The following DLG2 variants were observed in gnomAD, a reference collection of about 807,000 sequenced individuals.
DLG2 encodes discs large MAGUK scaffold protein 2, also known as disks large homolog 2.
DLG2 carries 45 observed loss-of-function variants against 132.5 expected under a neutral mutation model. The ratio of observed to expected loss-of-function variants is 0.34; its 90% CI spans 0.27 to 0.44. The LOEUF is 0.44. DLG2 is among the 20% of genes least tolerant of loss of function. The probability of loss-of-function intolerance (pLI) is 1.00; values close to 1 mark genes in which losing one functional copy is unlikely to be tolerated. For missense variants in DLG2, 1,045 were observed against 1,196.9 expected, an observed-to-expected ratio of 0.87 and a Z score of 1.87; for synonymous variants, 424 against 419.6, an observed-to-expected ratio of 1.01 and a Z score of -0.13.
intron 7 of DLG2, among the ~76,000 whole-genome samples, chr11:84,502,271 CTTCCTTCCTTCTTTCT>C (rs2099215475): frequency 1.8e-4 from 4 of 21,858 alleles, no homozygotes; most frequent in Non-Finnish European, 2.9e-4. Flanking sequence ...TCCTTCCTTC[CTTCCTTCCTTCTTTCT>C]TTCTTTCTTT....
chr11:85,545,275 T>C (rs1394534186), intron 3 of DLG2, among the ~76,000 whole-genome samples: 1 of 152,204 alleles, frequency 6.6e-6, no homozygotes, highest in African/African-American at 2.4e-5. Flanking sequence ...GTTCTGTTTA[T>C]GTGATGGATT....
chr11:85,212,142 T>G (rs912137583), intron 4 of DLG2, among the ~76,000 whole-genome samples: 4 of 152,068 alleles, frequency 2.6e-5, no homozygotes, highest in South Asian at 2.1e-4. Context: ...AGATATAAAC[T>G]TTACAAATAA....
intron 17 of DLG2, among the ~76,000 whole-genome samples, chr11:83,812,849 A>G (rs1232059222): frequency 1.3e-5 from 2 of 152,146 alleles, no homozygotes; most frequent in African/African-American, 4.8e-5. Context: ...GAGTTGCACA[A>G]TGTTACAGAG....
chr11:83,455,837 G>A lies in DLG2; in HGVS notation c.*3981C>T, dbSNP rs2088878768. The A allele has an allele frequency of 6.6e-6, 1 of 152,462 alleles. No homozygotes were observed. The highest frequency in any genetic ancestry group is 1.5e-5 in the Non-Finnish European group (1 of 68,032). 9.4% of individuals were successfully genotyped at this position (152,462 alleles called of 1,614,324 possible). A position where few individuals can be genotyped will look rare whatever the true frequency, so the allele number is the denominator to read the frequency against. On this transcript the variant is annotated 3_prime_UTR_variant, in exon 28 of 28. Transcript: ENST00000376104. ...AGGAGGTACTCCACATGCTTCAAGG[G>A]AATTGATCTTTTTCCCTCTAGGAGT... is the stretch of plus-strand genomic sequence containing the variant.
chr11:83,897,730 A>G (rs1481681057), intron 15 of DLG2, among the ~76,000 whole-genome samples: 2 of 152,186 alleles, frequency 1.3e-5, no homozygotes, highest in African/African-American at 4.8e-5. Flanking sequence ...TAAAATGAAA[A>G]ACAAGACAAA....
At chr11:83,506,633 T>C (rs553398858) in intron 21 of DLG2, among the ~76,000 whole-genome samples, 1 of 152,172 alleles carries the variant, frequency 6.6e-6, no homozygotes, top group South Asian at 2.1e-4. Context: ...CTCAGACAAA[T>C]GTGGAAAGGC....
chr11:83,614,469 G>A (rs114402191), intron 19 of DLG2, among the ~76,000 whole-genome samples: 1,830 of 152,212 alleles, frequency 0.012, 42 homozygotes, highest in African/African-American at 0.041. Flanking sequence ...CTATAATCTC[G>A]GCACTTTGGG....
intron 11 of DLG2, among the ~76,000 whole-genome samples, chr11:84,043,988 A>T (rs1046874883): frequency 2.0e-5 from 3 of 150,748 alleles, no homozygotes; most frequent in African/African-American, 7.3e-5. Context: ...TATAGGTTAA[A>T]CTCTTTGTCT....
At chr11:85,613,793 C>T (rs991592796) in intron 2 of DLG2, among the ~76,000 whole-genome samples, 1 of 152,218 alleles carries the variant, frequency 6.6e-6, no homozygotes. Flanking sequence ...CCCTTCCACG[C>T]TGTAGAAGCT....
At chr11:85,383,419 A>G (rs897964109) in intron 3 of DLG2, among the ~76,000 whole-genome samples, 6 of 152,298 alleles carry the variant, frequency 3.9e-5, no homozygotes, top group African/African-American at 1.2e-4. Context: ...ACTTACTAAC[A>G]AAACGCTGAA....
intron 6 of DLG2, among the ~76,000 whole-genome samples, chr11:85,081,918 T>C (rs2154172058): frequency 6.6e-6 from 1 of 152,264 alleles, no homozygotes; most frequent in East Asian, 1.9e-4. Flanking sequence ...AAATGCATAC[T>C]TGGGGAGGTT....
At chr11:84,584,711 C>T (rs1248143720) in intron 6 of DLG2, among the ~76,000 whole-genome samples, 5 of 88,712 alleles carry the variant, frequency 5.6e-5, no homozygotes, top group South Asian at 8.3e-4. Flanking sequence ...TTTTTTGAGA[C>T]GGAGTCTCGC....
chr11:84,133,908 G>A (rs984207928), intron 9 of DLG2, among the ~76,000 whole-genome samples: 1 of 152,020 alleles, frequency 6.6e-6, no homozygotes, highest in South Asian at 2.1e-4. Context: ...GTAACTCTGT[G>A]ACATTCCATT....
At chr11:83,781,411 G>C (rs1462077576) in intron 18 of DLG2, among the ~76,000 whole-genome samples, 1 of 152,094 alleles carries the variant, frequency 6.6e-6, no homozygotes, top group Non-Finnish European at 1.5e-5. Context: ...ATGTATAAAT[G>C]AATAAATGAA....
rs2067216092 is a variant in DLG2, at chr11:83,884,445, C to G, written c.1497-9957G>C. ...TTAGGTAAACAAAGCAGCTGGGAAA[C>G]TGGAACTGGGTAGAGCCCACCACAG... On this transcript the variant is annotated intron_variant, in intron 15 of 27. Coordinates refer to ENST00000376104, the MANE Select transcript of DLG2 (RefSeq NM_001142699.3). 2.0e-5 allele frequency among the ~76,000 whole-genome samples: 3 copies of G among 152,202 alleles called. No homozygotes were observed. The South Asian group carries it at 6.2e-4, about 31-fold the overall frequency.
intron 3 of DLG2, among the ~76,000 whole-genome samples, chr11:85,312,304 A>G (rs970256406): frequency 1.1e-4 from 17 of 151,536 alleles, no homozygotes; most frequent in Non-Finnish European, 2.2e-4. Flanking sequence ...CCAATATTAA[A>G]CCTATATAAG....
At chr11:84,825,502 G>A (rs901416512) in intron 6 of DLG2, among the ~76,000 whole-genome samples, 13 of 151,906 alleles carry the variant, frequency 8.6e-5, no homozygotes, top group African/African-American at 3.1e-4. Flanking sequence ...AAGCAATTAA[G>A]TTCAGGAATG....
At chr11:83,973,230 C>A (rs1028567180) in intron 12 of DLG2, among the ~76,000 whole-genome samples, 4 of 145,036 alleles carry the variant, frequency 2.8e-5, no homozygotes, top group African/African-American at 9.8e-5. Flanking sequence ...TAGTGGCAAC[C>A]TTTGGAGTGT....
chr11:83,675,383 A>C (rs2077510264), intron 18 of DLG2, among the ~76,000 whole-genome samples: 1 of 152,236 alleles, frequency 6.6e-6, no homozygotes, highest in African/African-American at 2.4e-5. Flanking sequence ...TATTTGTCTT[A>C]TCATATTTTT....
Sources: gnomAD v4.1 joint callset for allele counts (sites outside exome capture counted in the v4.1 genomes callset) on GRCh38, gnomAD v4.1.1 for gene constraint, MANE v1.5 for transcripts, NCBI Gene and HGNC (gene_info 2026-07-23, HGNC 2026-07-21) for gene names.